DNHD1: variants seen among roughly 807,000 people sequenced by gnomAD.
DNHD1 encodes dynein heavy chain domain 1.
A neutral mutation model predicts 458.1 loss-of-function variants in DNHD1; 383 were observed. That is an observed-to-expected ratio of 0.84 (90% CI 0.77 to 0.91). DNHD1 has a LOEUF of 0.91. Ranked by LOEUF, DNHD1 falls within the 40% of genes least tolerant of loss-of-function variation. The pLI, the probability that DNHD1 is intolerant of heterozygous loss-of-function variation, is 0.00. For synonymous variants in DNHD1, 2,203 were observed against 2,376.9 expected (o/e 0.93, Z 2.13); for missense variants, 5,336 against 5,866.1 (o/e 0.91, Z 2.95).
At chr11:6,532,295 C>A (rs1852841002) in intron 12 of DNHD1, among the ~76,000 whole-genome samples, 3 of 152,154 alleles carry the variant, frequency 2.0e-5, no homozygotes, top group Non-Finnish European at 4.4e-5. Context: ...GTGCTTCTTA[C>A]AACGGGATCT....
rs371288673 is a variant in DNHD1 at position 6,557,622 on chromosome 11, C to T, written c.8327C>T (p.Ala2776Val). 1.0e-5 allele frequency: 16 copies of T among 1,551,634 alleles called. No homozygotes were observed. In the African/African-American group the frequency reaches 1.9e-4, roughly 19 times the overall value. Reference sequence around the variant, plus strand: ...ATAAGGCAAGAGAAAGGCACAAGGGCATCCAACTATAGGCTCCAGGTAAGG... The same window carrying T: ...ATAAGGCAAGAGAAAGGCACAAGGGTATCCAACTATAGGCTCCAGGTAAGG... ...HKIRQEKGTR[A>V]SNYRLQVRRS... Residue 2776 changes from alanine to valine, a missense_variant, in exon 25 of 43, where the codon GCA (alanine) becomes GTA (valine). Transcript: ENST00000254579.
chr11:6,504,132 G>T (rs896840864), intron 4 of DNHD1: 1 of 152,182 alleles, frequency 6.6e-6, no homozygotes, highest in Non-Finnish European at 1.5e-5. Context: ...TTGAACTTAG[G>T]TAGCACTAAT....
Position 6,567,321 on chromosome 11 carries a change from G to C in DNHD1, c.11812G>C (p.Gly3938Arg), listed in dbSNP as rs1314189756. The change falls in exon 36 of 43, where the codon GGC becomes CGC. Residue 3938 changes from glycine (G) to arginine (R), a missense_variant. This residue lies in a region of DNHD1 where 695 missense variants were observed against 804.2 expected (regional missense o/e 0.86). Transcript: ENST00000254579. Reference sequence around the variant, plus strand: ...CCAAGTACCCTTGGTGGGTGCATTGGGCGCTTTGGCTCTGCTGCAAGCAAC... The same window carrying C: ...CCAAGTACCCTTGGTGGGTGCATTGCGCGCTTTGGCTCTGCTGCAAGCAAC... The part of the protein sequence containing the change: ...LTQVPLVGAL[G>R]ALALLQATGK... 1.2e-6 allele frequency: 2 copies of C among 1,614,052 alleles called. No homozygotes were observed. The highest frequency in any genetic ancestry group is 2.7e-5 in the African/African-American group (2 of 75,062).
intron 10 of DNHD1, among the ~76,000 whole-genome samples, chr11:6,523,694 TTTC>T (rs1247170048): frequency 6.6e-6 from 1 of 152,194 alleles, no homozygotes; most frequent in Non-Finnish European, 1.5e-5. Context: ...TGATTTCAAA[TTTC>T]TTCTTATGGC....
At position 6,498,907 on chromosome 11, in the gene DNHD1, A is replaced by C; in HGVS notation, c.692A>C (p.Glu231Ala). The change falls in exon 3 of 43, where the codon GAA becomes GCA. Residue 231 changes from glutamate to alanine, a missense_variant. This residue lies in a region of DNHD1 where 3,932 missense variants were observed against 4,365.6 expected (regional missense o/e 0.90). Transcript: ENST00000254579. ...GCAGCGGACATCCCTGTACGGTATG[A>C]AAGCAGTGACACTGACAATGCAGAG... Reference protein sequence around the residue: ...ALAADIPVRYESSDTDNAEVE... With the variant: ...ALAADIPVRYASSDTDNAEVE... The C allele has an allele frequency of 2.5e-6, 4 of 1,613,646 alleles. No individual in the cohort carries two copies. The highest frequency in any genetic ancestry group is 3.4e-6 in the Non-Finnish European group (4 of 1,179,790).
rs1195667517 is a variant in DNHD1 at position 6,532,940 on chromosome 11, A to G, written c.2348-87A>G. 10 of 1,281,684 alleles carry G rather than the reference A, an allele frequency of 7.8e-6. No homozygotes were observed. In the Admixed American group the frequency reaches 1.4e-4, roughly 18 times the overall value. The allele number at this position is 1,281,684 out of a possible 1,614,324, so 79.4% of individuals were successfully genotyped here. A position where few individuals can be genotyped will look rare whatever the true frequency, so the allele number is the denominator to read the frequency against. ...TAATTCATGGTCTGACCTGCCATTCAGCCTACTCCCACTCTGGACCACAGC... is the reference window on the plus strand; with the variant it reads ...TAATTCATGGTCTGACCTGCCATTCGGCCTACTCCCACTCTGGACCACAGC... On this transcript the variant is annotated intron_variant, in intron 12 of 42. Coordinates refer to ENST00000254579, the MANE Select transcript of DNHD1 (RefSeq NM_144666.3).
Position 6,558,676 on chromosome 11 carries a change from G to C in DNHD1, c.9194G>C (p.Ser3065Thr). ...VAQHHLEGAQ[S>T]VPLDDGSWKY... ...CAGCATCACCTGGAGGGTGCTCAGAGTGTGCCCCTTGATGACGGTAAGCCC... is the reference window on the plus strand; with the variant it reads ...CAGCATCACCTGGAGGGTGCTCAGACTGTGCCCCTTGATGACGGTAAGCCC... Residue 3065 changes from serine to threonine, a missense_variant, in exon 26 of 43, where the codon AGT becomes ACT. Around this residue, in one of 4 missense-constraint regions of DNHD1, gnomAD observed 3,932 missense variants for 4,365.6 expected, o/e 0.90. Transcript: ENST00000254579. The C allele has an allele frequency of 6.4e-7, 1 of 1,550,596 alleles. No homozygotes were observed. Among genetic ancestry groups the C allele is most frequent in the Non-Finnish European group, 8.7e-7 (1 of 1,146,992 alleles).
chr11:6,501,608 CAG>C (rs1455459039), intron 3 of DNHD1, among the ~76,000 whole-genome samples: 13 of 151,838 alleles, frequency 8.6e-5, no homozygotes, highest in Middle Eastern at 3.2e-3. Context: ...GAGAAGGAGA[CAG>C]AGAATGGGAT....
In DNHD1 at chr11:6,534,103, C is replaced by T; in HGVS notation, c.2928C>T (p.Ser976=). ...DQRSTEHQLV[S]LERQFQNTVS... ...GGAGTACTGAGCACCAGCTCGTCTC[C>T]CTAGAGCGTCAGTTCCAGAACACAG... Residue 976 remains serine, a synonymous_variant, in exon 14 of 43, where the codon TCC becomes TCT. Coordinates refer to ENST00000254579, the MANE Select transcript of DNHD1 (RefSeq NM_144666.3). 1 of 1,551,492 alleles carries T rather than the reference C, an allele frequency of 6.4e-7. No individual in the cohort carries two copies. The highest frequency in any genetic ancestry group is 8.7e-7 in the Non-Finnish European group (1 of 1,146,946).
rs1414038014 is a variant in DNHD1 at position 6,565,792 on chromosome 11, A to G, written c.10854A>G (p.Thr3618=). 6.4e-7 allele frequency: 1 copy of G among 1,551,750 alleles called. No homozygotes were observed. Among genetic ancestry groups the G allele is most frequent in the Non-Finnish European group, 8.7e-7 (1 of 1,147,002 alleles). Residue 3618 remains threonine, a synonymous_variant, in exon 33 of 43, where the codon ACA becomes ACG. Transcript: ENST00000254579. ...SEESNEAEDQ[T]KEQKAEERKN... ...AGAGTAATGAGGCTGAGGACCAGACAAAAGAGCAGAAGGCAGAGGAAAGAA... is the reference window on the plus strand; with the variant it reads ...AGAGTAATGAGGCTGAGGACCAGACGAAAGAGCAGAAGGCAGAGGAAAGAA...
In DNHD1 at chr11:6,533,199, T is replaced by C. The variant is rs964003626; in HGVS notation, c.2505+15T>C. ...GCACCCAGAAGGTGGGCTCTCCCCA[T>C]CCATCCTTCCCAGTTTATTCAGGGC... On this transcript the variant is annotated intron_variant, in intron 13 of 42. Coordinates refer to ENST00000254579, the MANE Select transcript of DNHD1 (RefSeq NM_144666.3). 1 of 1,550,330 alleles carries C rather than the reference T, an allele frequency of 6.5e-7. No homozygotes were observed. Among genetic ancestry groups the C allele is most frequent in the Non-Finnish European group, 8.7e-7 (1 of 1,146,460 alleles).
chr11:6,539,158 G>A, intron 16 of DNHD1, 61 bp from the exon 17 acceptor site: 1 of 1,176,506 alleles, frequency 8.5e-7, no homozygotes. Context: ...TGGGATATGG[G>A]ATATGGGTTG....
At chr11:6,569,173 A>T (rs1237795383) in intron 39 of DNHD1, among the ~76,000 whole-genome samples, 1 of 152,212 alleles carries the variant, frequency 6.6e-6, no homozygotes, top group African/African-American at 2.4e-5. Flanking sequence ...AAGGTTCATT[A>T]TAAAGGGCCT....
chr11:6,568,672 G>C lies in DNHD1; in HGVS notation c.12669G>C (p.Leu4223=). Residue 4223 remains leucine (L), a synonymous_variant, in exon 39 of 43, where the codon CTG becomes CTC. Coordinates refer to ENST00000254579, the MANE Select transcript of DNHD1 (RefSeq NM_144666.3). ...ACTCTCCTTCCTCCCCAGCTGTGCT[G>C]ACTCAGCACTCCATGCCTGTTTTCT... ...AESSASLPAV[L]TQHSMPVFWN... 6.2e-7 allele frequency: 1 copy of C among 1,613,962 alleles called. No individual in the cohort carries two copies. Among genetic ancestry groups the C allele is most frequent in the South Asian group, 1.1e-5 (1 of 91,070 alleles).
rs969650174 is a variant in DNHD1 at position 6,529,045 on chromosome 11, C to G, written c.2271C>G (p.Val757=). The change falls in exon 12 of 43, where the codon GTC becomes GTG. Residue 757 remains valine (V), a synonymous_variant. Transcript: ENST00000254579. ...VSRLNVWQAR[V]SSMPIELLTK... is the part of the protein sequence containing the mutation. ...GCCTGAATGTTTGGCAGGCCCGTGT[C>G]TCCAGTATGCCTATCGAGTTGCTCA... 1.9e-6 allele frequency: 3 copies of G among 1,551,108 alleles called. No individual in the cohort carries two copies. The highest frequency in any genetic ancestry group is 2.6e-6 in the Non-Finnish European group (3 of 1,146,990).
chr11:6,501,081 G>A (rs1852124488), intron 3 of DNHD1, among the ~76,000 whole-genome samples: 1 of 152,126 alleles, frequency 6.6e-6, no homozygotes, highest in Admixed American at 6.5e-5. Flanking sequence ...AGTATTACAT[G>A]TTAAATGAGA....
chr11:6,528,434 T>TGTGTGC, intron 10 of DNHD1, 88 bp from the exon 11 acceptor site: 1 of 1,311,596 alleles, frequency 7.6e-7, no homozygotes, highest in Non-Finnish European at 1.0e-6. Flanking sequence ...TGTGTGTGTG[T>TGTGTGC]GTACACACAC....
intron 31 of DNHD1, 100 bp downstream of exon 31, chr11:6,564,224 C>T: frequency 6.8e-7 from 1 of 1,460,040 alleles, no homozygotes; most frequent in South Asian, 1.3e-5. Context: ...CCTCTCTGCA[C>T]TCCTTGCCGT....
chr11:6,534,199 T>C, intron 14 of DNHD1, 26 bp downstream of exon 14: 1 of 1,546,390 alleles, frequency 6.5e-7, no homozygotes, highest in Non-Finnish European at 8.7e-7. Flanking sequence ...GCACCCTCCA[T>C]TATCACTCTG....
Sources: gnomAD v4.1 joint callset for allele counts (sites outside exome capture counted in the v4.1 genomes callset) on GRCh38, gnomAD v4.1.1 for gene constraint, gnomAD v4.1.1 regional missense constraint, MANE v1.5 for transcripts, NCBI Gene and HGNC (gene_info 2026-07-23, HGNC 2026-07-21) for gene names.